The following SH3BGRL variants were observed in gnomAD, a reference collection of about 807,000 sequenced individuals.
SH3BGRL encodes the protein SH3 domain binding glutamate rich protein like.
A neutral mutation model predicts 9.8 loss-of-function variants in SH3BGRL; 7 were observed. The observed-to-expected ratio is 0.72, with a 90% CI of 0.41 to 1.35. The LOEUF is 1.35. Among genes scored for constraint, SH3BGRL ranks in the 40% most tolerant of loss-of-function variants. The pLI is 0.01. For missense variants in SH3BGRL, 73 were observed against 84.4 expected (o/e 0.86, Z 0.53); for synonymous variants, 36 against 29.1 (o/e 1.24, Z -0.76).
chrX:81,218,680 T>TAC (rs1206459376), intron 1 of SH3BGRL, among the ~76,000 whole-genome samples: 3 of 104,902 alleles, frequency 2.9e-5, no homozygotes, highest in South Asian at 4.0e-4. Context: ...TATATATATA[T>TAC]ATACAGATAT....
At chrX:81,246,877 T>C (rs1199822659) in intron 1 of SH3BGRL, among the ~76,000 whole-genome samples, 1 of 112,424 alleles carries the variant, frequency 8.9e-6, no homozygotes, top group African/African-American at 3.2e-5. Flanking sequence ...AGCAATAACA[T>C]TGAATCTGTA....
chrX:81,292,448 G>A (rs1327637776), intron 3 of SH3BGRL, among the ~76,000 whole-genome samples: 1 of 111,469 alleles, frequency 9.0e-6, no homozygotes, highest in East Asian at 2.8e-4. Context: ...GTGGAGCTCT[G>A]TGCCTGGCCC....
intron 1 of SH3BGRL, among the ~76,000 whole-genome samples, chrX:81,264,728 T>A (rs750303183): frequency 9.0e-6 from 1 of 111,133 alleles, no homozygotes; most frequent in East Asian, 2.8e-4. Flanking sequence ...CTGCCCTTTC[T>A]GTGAAGACTA....
In SH3BGRL at chrX:81,209,752, GA is replaced by G. The variant is rs1206195266; in HGVS notation, c.45+7508del. ...CATAACCCGTACTCGAGAGTGAGATGAGAGTTGGCACTGGTGGGCAGGCTGG... is the reference window on the plus strand; with the variant it reads ...CATAACCCGTACTCGAGAGTGAGATGGAGTTGGCACTGGTGGGCAGGCTGG... On this transcript the variant is annotated intron_variant, in intron 1 of 3. Coordinates refer to ENST00000373212, the MANE Select transcript of SH3BGRL (RefSeq NM_003022.3). Among the ~76,000 whole-genome samples, 15 of 112,296 alleles carry G rather than the reference GA, an allele frequency of 1.3e-4. 1 individual carries two copies. Among genetic ancestry groups the G allele is most frequent in the African/African-American group, 4.2e-4 (13 of 30,849 alleles).
At chrX:81,291,069 G>A (rs910619720) in intron 3 of SH3BGRL, among the ~76,000 whole-genome samples, 3 of 111,700 alleles carry the variant, frequency 2.7e-5, no homozygotes, top group Non-Finnish European at 5.6e-5. Context: ...TCTATAAAAT[G>A]AAGCAAGATG....
chrX:81,222,087 A>T (rs758911846), intron 1 of SH3BGRL, among the ~76,000 whole-genome samples: 1 of 112,448 alleles, frequency 8.9e-6, no homozygotes, highest in South Asian at 3.7e-4. Flanking sequence ...TGCTGCAGTA[A>T]TACTTTATTC....
At chrX:81,214,075 C>T (rs2075574121) in intron 1 of SH3BGRL, among the ~76,000 whole-genome samples, 1 of 112,233 alleles carries the variant, frequency 8.9e-6, no homozygotes, top group Non-Finnish European at 1.9e-5. Context: ...ACAGGAACAG[C>T]AGGAAACACG....
chrX:81,223,585 C>G (rs2075607530), intron 1 of SH3BGRL, among the ~76,000 whole-genome samples: 1 of 110,629 alleles, frequency 9.0e-6, no homozygotes, highest in South Asian at 3.8e-4. Context: ...AGGAAGCTTT[C>G]TGTGTATTGC....
chrX:81,217,995 T>C (rs2032791710), intron 1 of SH3BGRL, among the ~76,000 whole-genome samples: 1 of 111,492 alleles, frequency 9.0e-6, no homozygotes, highest in Admixed American at 9.6e-5. Context: ...TATTTATCAT[T>C]ATATAATGCC....
At chrX:81,229,232 G>C (rs962225648) in intron 1 of SH3BGRL, among the ~76,000 whole-genome samples, 1 of 111,010 alleles carries the variant, frequency 9.0e-6, no homozygotes, top group African/African-American at 3.3e-5. Context: ...AAACCTCTGG[G>C]GGGAGCATGC....
intron 1 of SH3BGRL, among the ~76,000 whole-genome samples, chrX:81,244,221 A>C (rs1327146327): frequency 9.0e-6 from 1 of 111,702 alleles, no homozygotes; most frequent in Non-Finnish European, 1.9e-5. Context: ...TCCAAGAAAA[A>C]GGAGTGCTGG....
At chrX:81,222,918 T>G (rs374543641) in intron 1 of SH3BGRL, among the ~76,000 whole-genome samples, 19 of 112,276 alleles carry the variant, frequency 1.7e-4, no homozygotes, top group East Asian at 8.4e-4. Context: ...TTTCTCTGAT[T>G]GCCAGTGATG....
At chrX:81,227,841 C>G (rs763019374) in intron 1 of SH3BGRL, among the ~76,000 whole-genome samples, 1 of 111,314 alleles carries the variant, frequency 9.0e-6, no homozygotes, top group Non-Finnish European at 1.9e-5. Flanking sequence ...AAGTATTAAC[C>G]CATATGATAA....
chrX:81,275,848 A>G (rs2075796991), intron 1 of SH3BGRL, among the ~76,000 whole-genome samples: 1 of 112,021 alleles, frequency 8.9e-6, no homozygotes. Flanking sequence ...TTATTTAATC[A>G]CAATCACGAG....
At chrX:81,292,665 T>A (rs1350100503) in intron 3 of SH3BGRL, among the ~76,000 whole-genome samples, 1 of 112,681 alleles carries the variant, frequency 8.9e-6, no homozygotes, top group African/African-American at 3.2e-5. Flanking sequence ...GTTTCAAATT[T>A]TCCAAACTTT....
chrX:81,295,384 G>A (rs1282040899), intron 3 of SH3BGRL, among the ~76,000 whole-genome samples: 1 of 111,244 alleles, frequency 9.0e-6, no homozygotes, highest in African/African-American at 3.3e-5. Flanking sequence ...AGATCTGTTG[G>A]TTTTATCCGG....
chrX:81,227,325 C>T (rs771190469), intron 1 of SH3BGRL, among the ~76,000 whole-genome samples: 3 of 112,071 alleles, frequency 2.7e-5, no homozygotes, highest in Middle Eastern at 4.7e-3. Flanking sequence ...ATTGCTAAAG[C>T]GATCAGTTAG....
intron 1 of SH3BGRL, among the ~76,000 whole-genome samples, chrX:81,228,912 C>G (rs1264410786): frequency 1.8e-5 from 2 of 111,905 alleles, no homozygotes; most frequent in Admixed American, 9.4e-5. Flanking sequence ...TTGTGAGTTA[C>G]ACACAGCATC....
intron 1 of SH3BGRL, among the ~76,000 whole-genome samples, chrX:81,204,295 C>A (rs1026579646): frequency 2.7e-5 from 3 of 111,697 alleles, no homozygotes; most frequent in Admixed American, 9.5e-5. Flanking sequence ...TTAAATAATA[C>A]CAAAACAGTG....
Sources: gnomAD v4.1 joint callset for allele counts (sites outside exome capture counted in the v4.1 genomes callset) on GRCh38, gnomAD v4.1.1 for gene constraint, MANE v1.5 for transcripts, NCBI Gene and HGNC (gene_info 2026-07-23, HGNC 2026-07-21) for gene names.